BORCS5: variants seen among roughly 807,000 people sequenced by gnomAD.
The protein encoded by BORCS5 is BLOC-1 related complex subunit 5, also known as BLOC-1-related complex subunit 5.
BORCS5 carries 17 observed loss-of-function variants against 22.1 expected under a neutral mutation model. That is an observed-to-expected ratio of 0.77 (90% confidence interval 0.53 to 1.15). The LOEUF (loss-of-function observed/expected upper bound fraction) is 1.15. Ranked by LOEUF, BORCS5 falls within the 50% of genes most tolerant of loss-of-function variation. The pLI, the probability that BORCS5 is intolerant of heterozygous loss-of-function variation, is 0.00. For missense variants in BORCS5, 247 were observed against 253.2 expected (o/e 0.98, Z 0.17); for synonymous variants, 117 against 99.8 (o/e 1.17, Z -1.03).
rs140069759 is a variant in BORCS5, at chr12:12,375,073, G to T, written c.202+13724G>T. ...GTTGCCCAGGCTGGAGTGCAATGGCGCCATCTTGGCTCACTGCAACCTCTG... is the reference window on the plus strand; with the variant it reads ...GTTGCCCAGGCTGGAGTGCAATGGCTCCATCTTGGCTCACTGCAACCTCTG... On this transcript the variant is annotated intron_variant, in intron 2 of 3. Transcript: ENST00000314565. Among the ~76,000 whole-genome samples the T allele has an allele frequency of 4.6e-5, 7 of 151,012 alleles. No individual in the cohort carries two copies. The South Asian group carries it at 1.5e-3, about 33-fold the overall frequency.
intron 2 of BORCS5, among the ~76,000 whole-genome samples, chr12:12,427,945 A>G (rs889813712): frequency 6.6e-6 from 1 of 152,204 alleles, no homozygotes; most frequent in African/African-American, 2.4e-5. Context: ...GGGGATTAGG[A>G]TTTCAACATA....
chr12:12,421,925 A>G (rs1270582790), intron 2 of BORCS5, among the ~76,000 whole-genome samples: 1 of 152,086 alleles, frequency 6.6e-6, no homozygotes, highest in East Asian at 1.9e-4. Context: ...TATTGTGTCT[A>G]TTTGATTCTT....
intron 3 of BORCS5, among the ~76,000 whole-genome samples, chr12:12,449,557 C>T (rs1183679186): frequency 6.6e-6 from 1 of 152,164 alleles, no homozygotes; most frequent in Non-Finnish European, 1.5e-5. Context: ...ATCGGGGAAA[C>T]TGGGCAAGTC....
chr12:12,385,748 T>G (rs1863866114), intron 2 of BORCS5, among the ~76,000 whole-genome samples: 1 of 151,176 alleles, frequency 6.6e-6, no homozygotes, highest in African/African-American at 2.4e-5. Flanking sequence ...GACCTCGTGA[T>G]CCGCCTGCCT....
At chr12:12,384,071 C>G (rs757791632) in intron 2 of BORCS5, among the ~76,000 whole-genome samples, 11 of 151,104 alleles carry the variant, frequency 7.3e-5, no homozygotes, top group Non-Finnish European at 4.4e-5. Flanking sequence ...GTGAATTTTT[C>G]ATTTCCATTA....
chr12:12,386,014 T>G (rs990304547), intron 2 of BORCS5, among the ~76,000 whole-genome samples: 7 of 150,942 alleles, frequency 4.6e-5, no homozygotes, highest in African/African-American at 1.7e-4. Flanking sequence ...GTTTTTTTTT[T>G]TTTGGAGATG....
intron 2 of BORCS5, among the ~76,000 whole-genome samples, chr12:12,417,666 C>CT (rs1565890740): frequency 6.6e-6 from 1 of 151,908 alleles, no homozygotes; most frequent in South Asian, 2.1e-4. Context: ...ATTTTTAAAT[C>CT]TTTTTTTGAG....
intron 2 of BORCS5, among the ~76,000 whole-genome samples, chr12:12,369,704 C>A (rs1863480555): frequency 7.2e-6 from 1 of 138,906 alleles, no homozygotes; most frequent in Admixed American, 7.1e-5. Flanking sequence ...TTCATTCACC[C>A]CCCACTTCTT....
rs1277365853 is a variant in BORCS5 at position 12,465,821 on chromosome 12, C to T, written c.*45C>T. The T allele has an allele frequency of 1.3e-6, 2 of 1,526,980 alleles. No individual in the cohort carries two copies. Among genetic ancestry groups the T allele is most frequent in the African/African-American group, 1.4e-5 (1 of 73,200 alleles). The allele number at this position is 1,526,980 out of a possible 1,614,324, so 94.6% of individuals were successfully genotyped here. On this transcript the variant is annotated 3_prime_UTR_variant, in exon 4 of 4. Coordinates refer to ENST00000314565, the MANE Select transcript of BORCS5 (RefSeq NM_058169.6). Reference sequence around the variant, plus strand: ...GGGCTGGGAGCCCCAGACACCGACACCCTGAGGACGTGTGGAGCTAAGGTC... The same window carrying T: ...GGGCTGGGAGCCCCAGACACCGACATCCTGAGGACGTGTGGAGCTAAGGTC...
intron 1 of BORCS5, among the ~76,000 whole-genome samples, chr12:12,360,999 G>T (rs1412791644): frequency 6.6e-6 from 1 of 152,190 alleles, no homozygotes; most frequent in African/African-American, 2.4e-5. Flanking sequence ...AAGATTACAT[G>T]CATGAGCCAC....
Position 12,449,271 on chromosome 12 carries a change from A to G in BORCS5, c.360+13486A>G, listed in dbSNP as rs143708914. Among the ~76,000 whole-genome samples, 669 of 152,270 alleles carry G rather than the reference A, an allele frequency of 4.4e-3. 10 individuals are homozygous for G. Among genetic ancestry groups the G allele is most frequent in the African/African-American group, 0.015 (636 of 41,546 alleles). On this transcript the variant is annotated intron_variant, in intron 3 of 3. Coordinates refer to ENST00000314565, the MANE Select transcript of BORCS5 (RefSeq NM_058169.6). ...CAGACGGGGCCTTTTCCAGGAGGCA[A>G]AAGATCTCAGATGTCTACGTGCCCT... is the stretch of plus-strand genomic sequence containing the variant.
intron 2 of BORCS5, among the ~76,000 whole-genome samples, chr12:12,367,135 C>G (rs1863422963): frequency 6.6e-6 from 1 of 152,150 alleles, no homozygotes; most frequent in Non-Finnish European, 1.5e-5. Flanking sequence ...TTTCAAATCA[C>G]ATGGAACATT....
At chr12:12,463,423 C>T (rs1033761117) in intron 3 of BORCS5, among the ~76,000 whole-genome samples, 3 of 152,150 alleles carry the variant, frequency 2.0e-5, no homozygotes, top group African/African-American at 7.2e-5. Context: ...TGCAGTGCCA[C>T]GTGCCAACAA....
chr12:12,373,165 T>C (rs1863568287), intron 2 of BORCS5, among the ~76,000 whole-genome samples: 1 of 152,174 alleles, frequency 6.6e-6, no homozygotes, highest in Admixed American at 6.5e-5. Flanking sequence ...CTTCCTTCTG[T>C]TCTTAGCCAT....
At chr12:12,396,110 C>G (rs747331315) in intron 2 of BORCS5, among the ~76,000 whole-genome samples, 14 of 152,186 alleles carry the variant, frequency 9.2e-5, no homozygotes, top group Non-Finnish European at 2.1e-4. Context: ...GCCTCAGCCT[C>G]CCGTGTAGCT....
At chr12:12,444,982 A>G (rs776328812) in intron 3 of BORCS5, among the ~76,000 whole-genome samples, 5 of 152,230 alleles carry the variant, frequency 3.3e-5, no homozygotes, top group South Asian at 4.1e-4. Flanking sequence ...GAAAGCTTAC[A>G]AATTTATATT....
At chr12:12,360,222 TGTG>T (rs1230242531) in intron 1 of BORCS5, among the ~76,000 whole-genome samples, 1 of 152,076 alleles carries the variant, frequency 6.6e-6, no homozygotes, top group East Asian at 1.9e-4. Context: ...ATTAGCCAGA[TGTG>T]GTGGTGCATG....
intron 2 of BORCS5, among the ~76,000 whole-genome samples, chr12:12,378,827 A>G (rs961195868): frequency 7.3e-5 from 11 of 151,356 alleles, no homozygotes; most frequent in Non-Finnish European, 1.0e-4. Context: ...ATCATGACTC[A>G]CTGCAGCCTC....
chr12:12,422,839 A>G (rs1200457174), intron 2 of BORCS5, among the ~76,000 whole-genome samples: 1 of 152,186 alleles, frequency 6.6e-6, no homozygotes, highest in African/African-American at 2.4e-5. Flanking sequence ...GTTATAAACT[A>G]AAGTTACAAT....
Sources: gnomAD v4.1 joint callset for allele counts (sites outside exome capture counted in the v4.1 genomes callset) on GRCh38, gnomAD v4.1.1 for gene constraint, MANE v1.5 for transcripts, NCBI Gene and HGNC (gene_info 2026-07-23, HGNC 2026-07-21) for gene names.